Variants in NPHP1 observed in about 807,000 individuals in gnomAD.
The protein encoded by NPHP1 is nephrocystin-1.
In NPHP1, 70 loss-of-function variants were observed where a neutral mutation model predicts 90.4. That is an observed-to-expected ratio of 0.77 (90% CI 0.64 to 0.95). The LOEUF (loss-of-function observed/expected upper bound fraction) is 0.95. NPHP1 is among the 40% of genes least tolerant of loss of function. The pLI, the probability that NPHP1 is intolerant of heterozygous loss-of-function variation, is 0.00. For missense variants in NPHP1, 764 were observed against 795.9 expected (o/e 0.96, Z 0.48); for synonymous variants, 256 against 271.7 (o/e 0.94, Z 0.57).
chr2:110,163,131 A>C lies in NPHP1; in HGVS notation c.776T>G (p.Ile259Arg), dbSNP rs776175197. ...SAVQKAISEQINTVDVLTTMG... is the reference protein window; with the variant it reads ...SAVQKAISEQRNTVDVLTTMG... ...CGTAGTTAACACATCAACAGTGTTT[A>C]TCTGCTGAAGACAGTAACATCAAAA... The change falls in exon 9 of 20, where the codon ATA becomes AGA. Residue 259 changes from isoleucine (I) to arginine (R), a missense_variant. By Grantham distance (97) the Ile-to-Arg change is moderately conservative. Coordinates refer to ENST00000445609, the MANE Select transcript of NPHP1 (RefSeq NM_001128178.3). 6.2e-7 allele frequency: 1 copy of C among 1,607,332 alleles called. No individual in the cohort carries two copies. Among genetic ancestry groups the C allele is most frequent in the Admixed American group, 1.7e-5 (1 of 60,012 alleles).
chr2:110,142,474 TC>T (rs926276011), intron 16 of NPHP1, among the ~76,000 whole-genome samples: 2 of 151,496 alleles, frequency 1.3e-5, no homozygotes, highest in African/African-American at 4.9e-5. Flanking sequence ...CACCTAAGCC[TC>T]CCAAGTAGCT....
chr2:110,181,241 G>A (rs1355741779), intron 2 of NPHP1, among the ~76,000 whole-genome samples: 1 of 152,200 alleles, frequency 6.6e-6, no homozygotes, highest in East Asian at 1.9e-4. Context: ...TGGTCCAGAA[G>A]AAAGAGTCCC....
intron 4 of NPHP1, 84 bp downstream of exon 4, chr2:110,178,339 T>A: frequency 7.8e-7 from 1 of 1,282,180 alleles, no homozygotes. Context: ...ATATCTATAC[T>A]GCTATATGTC....
chr2:110,142,103 C>G (rs1680691716), intron 16 of NPHP1, among the ~76,000 whole-genome samples: 1 of 152,052 alleles, frequency 6.6e-6, no homozygotes, highest in African/African-American at 2.4e-5. Flanking sequence ...AGACATATAT[C>G]CACATGCAGA....
intron 13 of NPHP1, 95 bp from the exon 14 acceptor site, chr2:110,146,930 C>A: frequency 1.2e-6 from 1 of 863,460 alleles, no homozygotes; most frequent in East Asian, 2.5e-5. Context: ...AATTAGTATT[C>A]ACCTTTAGAA....
At chr2:110,140,161 A>T (rs1349333536) in intron 16 of NPHP1, among the ~76,000 whole-genome samples, 1 of 152,010 alleles carries the variant, frequency 6.6e-6, no homozygotes, top group Non-Finnish European at 1.5e-5. Flanking sequence ...CCAGGAATGT[A>T]TATTTTGGGG....
intron 2 of NPHP1, among the ~76,000 whole-genome samples, chr2:110,192,272 G>A (rs573877194): frequency 2.0e-5 from 3 of 152,060 alleles, no homozygotes; most frequent in Non-Finnish European, 4.4e-5. Context: ...AAGATTAGAC[G>A]AATGGCTAAC....
intron 2 of NPHP1, among the ~76,000 whole-genome samples, chr2:110,186,035 C>T (rs973726527): frequency 2.0e-5 from 3 of 152,122 alleles, no homozygotes; most frequent in African/African-American, 7.2e-5. Flanking sequence ...TGCCTCCTGC[C>T]CTGCCACACT....
intron 2 of NPHP1, among the ~76,000 whole-genome samples, chr2:110,190,216 C>T (rs985982715): frequency 6.6e-6 from 1 of 152,202 alleles, no homozygotes; most frequent in Non-Finnish European, 1.5e-5. Context: ...GCCTGCCAGT[C>T]CCACACCGTG....
At chr2:110,170,681 A>G (rs558152251) in intron 4 of NPHP1, among the ~76,000 whole-genome samples, 93 of 152,264 alleles carry the variant, frequency 6.1e-4, no homozygotes, top group Non-Finnish European at 1.1e-3. Context: ...AATAGGTACT[A>G]GAGTAGAGGT....
chr2:110,163,100 T>A lies in NPHP1; in HGVS notation c.807A>T (p.Gly269=). The part of the protein sequence containing the change: ...INTVDVLTTM[G]AIPAGFRPST... ...AAGGCCTGAACCCTGCAGGAATAGC[T>A]CCCATCGTAGTTAACACATCAACAG... The change falls in exon 9 of 20, where the codon GGA becomes GGT. Residue 269 remains glycine (G), a synonymous_variant. Coordinates refer to ENST00000445609, the MANE Select transcript of NPHP1 (RefSeq NM_001128178.3). The A allele has an allele frequency of 6.2e-7, 1 of 1,613,576 alleles. No individual in the cohort carries two copies. Among genetic ancestry groups the A allele is most frequent in the South Asian group, 1.1e-5 (1 of 91,048 alleles).
chr2:110,173,741 A>G (rs892196500), intron 4 of NPHP1, among the ~76,000 whole-genome samples: 6 of 152,160 alleles, frequency 3.9e-5, no homozygotes, highest in Admixed American at 1.3e-4. Context: ...ATGTTTGTAC[A>G]ATGATGAAAT....
At chr2:110,201,004 G>A (rs1039460229) in intron 2 of NPHP1, among the ~76,000 whole-genome samples, 4 of 151,886 alleles carry the variant, frequency 2.6e-5, no homozygotes, top group Non-Finnish European at 5.9e-5. Context: ...AGTTCATCAC[G>A]TCTATTTAAA....
Position 110,163,079 on chromosome 2 carries a change from C to T in NPHP1, c.828G>A (p.Arg276=). 1 of 1,613,630 alleles carries T rather than the reference C, an allele frequency of 6.2e-7. No individual in the cohort carries two copies. The highest frequency in any genetic ancestry group is 8.5e-7 in the Non-Finnish European group (1 of 1,179,570). The stretch of plus-strand genomic sequence containing the variant: ...CCAGAAGCTGTGAGAGCGTGGAAGG[C>T]CTGAACCCTGCAGGAATAGCTCCCA... ...TTMGAIPAGF[R]PSTLSQLLEE... The change falls in exon 9 of 20, where the codon AGG becomes AGA. Residue 276 remains arginine (R), a synonymous_variant. Coordinates refer to ENST00000445609, the MANE Select transcript of NPHP1 (RefSeq NM_001128178.3).
chr2:110,179,556 C>T, intron 3 of NPHP1, 68 bp downstream of exon 3: 1 of 794,002 alleles, frequency 1.3e-6, no homozygotes, highest in Non-Finnish European at 2.2e-6. Flanking sequence ...CTTGAATTAA[C>T]TTCCACTTAA....
At chr2:110,179,525 G>A (rs1358934731) in intron 3 of NPHP1, 99 bp downstream of exon 3, 9 of 663,042 alleles carry the variant, frequency 1.4e-5, no homozygotes, top group South Asian at 4.6e-5. Context: ...TATCACTAAC[G>A]TAAACCCAGG....
At chr2:110,202,987 C>T (rs1347370138) in intron 1 of NPHP1, among the ~76,000 whole-genome samples, 1 of 152,110 alleles carries the variant, frequency 6.6e-6, no homozygotes, top group Non-Finnish European at 1.5e-5. Flanking sequence ...TTCCCTACAG[C>T]ACTATTCACA....
At chr2:110,193,615 G>A (rs535848592) in intron 2 of NPHP1, among the ~76,000 whole-genome samples, 4 of 152,106 alleles carry the variant, frequency 2.6e-5, no homozygotes, top group Non-Finnish European at 5.9e-5. Flanking sequence ...GAAAGTTAAT[G>A]AGGATATCCA....
intron 17 of NPHP1, among the ~76,000 whole-genome samples, chr2:110,129,687 T>C (rs912929995): frequency 2.0e-5 from 3 of 152,194 alleles, no homozygotes; most frequent in African/African-American, 7.2e-5. Context: ...TCAGGTCTGA[T>C]TCCAGGCCAC....
Sources: gnomAD v4.1 joint callset for allele counts (sites outside exome capture counted in the v4.1 genomes callset) on GRCh38, gnomAD v4.1.1 for gene constraint, MANE v1.5 for transcripts, NCBI Gene and HGNC (gene_info 2026-07-23, HGNC 2026-07-21) for gene names.